The following CACHD1 variants were observed in gnomAD, a reference collection of about 807,000 sequenced individuals.
CACHD1 encodes VWFA and cache domain-containing protein 1.
A neutral mutation model predicts 138.7 loss-of-function variants in CACHD1; 71 were observed. That is an observed-to-expected ratio of 0.51 (90% CI 0.42 to 0.62). CACHD1 has a LOEUF of 0.62. Ranked by LOEUF, CACHD1 falls within the 20% of genes least tolerant of loss-of-function variation. The pLI is 0.00. For missense variants in CACHD1, 1,389 were observed against 1,625.3 expected (o/e 0.85, Z 2.50); for synonymous variants, 578 against 591.5 (o/e 0.98, Z 0.33).
chr1:64,513,820 G>A (rs934900231), intron 1 of CACHD1, among the ~76,000 whole-genome samples: 8 of 152,186 alleles, frequency 5.3e-5, no homozygotes, highest in Non-Finnish European at 1.2e-4. Flanking sequence ...TTAGTCTGGG[G>A]ATGCCAGATC....
At chr1:64,630,961 A>C (rs192853233) in intron 5 of CACHD1, among the ~76,000 whole-genome samples, 2 of 152,222 alleles carry the variant, frequency 1.3e-5, no homozygotes, top group Admixed American at 1.3e-4. Context: ...TGCGATTCAC[A>C]TTTCTTGTCC....
rs771693409 is a variant in CACHD1, at chr1:64,673,329, T to G, written c.2611-19T>G. The G allele has an allele frequency of 1.2e-6, 2 of 1,613,480 alleles. No individual in the cohort carries two copies. Among genetic ancestry groups the G allele is most frequent in the Non-Finnish European group, 1.7e-6 (2 of 1,179,444 alleles). On this transcript the variant is annotated intron_variant, in intron 18 of 26. Coordinates refer to ENST00000651257, the MANE Select transcript of CACHD1 (RefSeq NM_020925.4). ...CTCACTACATGGCATATGTCTTCTG[T>G]TCTCTTTGGCCTTGGTAGGAGCCCC...
intron 23 of CACHD1, 130 bp from the exon 24 acceptor site, chr1:64,679,465 G>A: frequency 6.1e-6 from 6 of 984,142 alleles, no homozygotes; most frequent in East Asian, 2.4e-5. Context: ...GGAACTCAAA[G>A]CCTAACTAAG....
intron 16 of CACHD1, among the ~76,000 whole-genome samples, 165 bp downstream of exon 16, chr1:64,666,332 G>A (rs1401882077): frequency 6.6e-6 from 1 of 152,100 alleles, no homozygotes; most frequent in Non-Finnish European, 1.5e-5. Flanking sequence ...CTTCAATTCC[G>A]TAGCTTTCTC....
chr1:64,657,707 T>A (rs1255835384), intron 12 of CACHD1, among the ~76,000 whole-genome samples: 1 of 152,208 alleles, frequency 6.6e-6, no homozygotes, highest in African/African-American at 2.4e-5. Flanking sequence ...CACTTAACTC[T>A]AACCTGCCTA....
At chr1:64,572,341 G>C (rs947056362) in intron 2 of CACHD1, among the ~76,000 whole-genome samples, 1 of 152,104 alleles carries the variant, frequency 6.6e-6, no homozygotes, top group Non-Finnish European at 1.5e-5. Flanking sequence ...AAAGAATCTC[G>C]GGTCAGGGGC....
rs757772579 is a variant in CACHD1 at position 64,671,556 on chromosome 1, A to G, written c.2388-8A>G. On this transcript the variant is annotated splice_polypyrimidine_tract_variant and splice_region_variant and intron_variant, in intron 16 of 26. Coordinates refer to ENST00000651257, the MANE Select transcript of CACHD1 (RefSeq NM_020925.4). ...CCTATTGTTCTCATTGATCTTTTTC[A>G]CTTAAAGTACACAGCTGTCTTCTGG... 5 of 1,613,672 alleles carry G rather than the reference A, an allele frequency of 3.1e-6. No individual in the cohort carries two copies. In the African/African-American group the frequency reaches 6.7e-5, roughly 22 times the overall value.
intron 1 of CACHD1, among the ~76,000 whole-genome samples, chr1:64,484,715 A>G (rs886544389): frequency 6.6e-6 from 1 of 152,246 alleles, no homozygotes; most frequent in African/African-American, 2.4e-5. Context: ...GTACCTCATA[A>G]AAGTGGAATT....
At chr1:64,570,605 C>G (rs1024092232) in intron 2 of CACHD1, among the ~76,000 whole-genome samples, 3 of 151,928 alleles carry the variant, frequency 2.0e-5, no homozygotes, top group African/African-American at 7.3e-5. Flanking sequence ...GCCCTGTCAT[C>G]AGATAGGGGA....
intron 1 of CACHD1, among the ~76,000 whole-genome samples, chr1:64,491,183 C>CCTGT (rs1252561313): frequency 1.3e-5 from 2 of 151,860 alleles, no homozygotes; most frequent in Non-Finnish European, 2.9e-5. Flanking sequence ...TGCCAGGGTC[C>CCTGT]CTGTATATAG....
intron 2 of CACHD1, among the ~76,000 whole-genome samples, chr1:64,575,387 T>TC (rs1646959051): frequency 6.6e-6 from 1 of 152,224 alleles, no homozygotes; most frequent in African/African-American, 2.4e-5. Context: ...ATGAGAATAT[T>TC]TTCTACGAAG....
intron 1 of CACHD1, among the ~76,000 whole-genome samples, chr1:64,544,881 T>G (rs1483679952): frequency 1.3e-5 from 2 of 152,184 alleles, no homozygotes; most frequent in African/African-American, 4.8e-5. Flanking sequence ...AATTCAGATT[T>G]GTACAGTACT....
chr1:64,542,522 G>C (rs1347989728), intron 1 of CACHD1, among the ~76,000 whole-genome samples: 1 of 152,104 alleles, frequency 6.6e-6, no homozygotes, highest in Non-Finnish European at 1.5e-5. Flanking sequence ...GAGTCTAGTT[G>C]TAACTTTGGA....
chr1:64,521,746 A>T (rs1344547546), intron 1 of CACHD1, among the ~76,000 whole-genome samples: 1 of 152,212 alleles, frequency 6.6e-6, no homozygotes, highest in Non-Finnish European at 1.5e-5. Flanking sequence ...TTGCTGGTTC[A>T]TATGGTAACA....
chr1:64,657,041 A>G (rs1649283704), intron 12 of CACHD1, among the ~76,000 whole-genome samples: 1 of 152,196 alleles, frequency 6.6e-6, no homozygotes, highest in Non-Finnish European at 1.5e-5. Flanking sequence ...TTGAGAGATT[A>G]TGTTAGCAGC....
At chr1:64,492,757 T>C (rs893448111) in intron 1 of CACHD1, among the ~76,000 whole-genome samples, 1 of 152,168 alleles carries the variant, frequency 6.6e-6, no homozygotes, top group African/African-American at 2.4e-5. Flanking sequence ...ATCAGGTTCA[T>C]TTTTTCTTAG....
Position 64,632,671 on chromosome 1 carries a change from C to T in CACHD1, c.717C>T (p.Val239=). ...TGATTCTGGACCACGGGGCTTCAGTCACAGACACTCAGCTTCAGATTGCCA... is the reference window on the plus strand; with the variant it reads ...TGATTCTGGACCACGGGGCTTCAGTTACAGACACTCAGCTTCAGATTGCCA... ...IVVILDHGAS[V]TDTQLQIAKD... The change falls in exon 6 of 27, where the codon GTC becomes GTT. Residue 239 remains valine (V), a synonymous_variant. Transcript: ENST00000651257. 3 of 1,614,188 alleles carry T rather than the reference C, an allele frequency of 1.9e-6. No individual in the cohort carries two copies. Among genetic ancestry groups the T allele is most frequent in the Non-Finnish European group, 2.5e-6 (3 of 1,180,028 alleles).
chr1:64,622,060 C>T (rs557992421), intron 4 of CACHD1, among the ~76,000 whole-genome samples: 6 of 152,172 alleles, frequency 3.9e-5, no homozygotes, highest in South Asian at 2.1e-4. Flanking sequence ...AGTACCAATC[C>T]GAATTAAATA....
At chr1:64,500,734 AAG>A (rs5774705) in intron 1 of CACHD1, among the ~76,000 whole-genome samples, 4,790 of 25,850 alleles carry the variant, frequency 0.19, 264 homozygotes, top group African/African-American at 0.3. Context: ...AAAAAAAAAA[AAG>A]AGAGAGAGAG....
Sources: allele counts gnomAD v4.1 joint callset (sites outside exome capture counted in the v4.1 genomes callset), GRCh38; gene constraint gnomAD v4.1.1; transcripts MANE v1.5; gene names NCBI Gene and HGNC (gene_info 2026-07-23, HGNC 2026-07-21).